Variants in SH3RF3 observed in about 807,000 individuals in gnomAD.
SH3RF3 encodes the protein E3 ubiquitin-protein ligase SH3RF3.
Under a neutral mutation model 66.3 loss-of-function variants are expected in SH3RF3, and 29 were observed. The ratio of observed to expected loss-of-function variants is 0.44; its 90% CI spans 0.33 to 0.60. SH3RF3 has a LOEUF of 0.60. Ranked by LOEUF, SH3RF3 falls within the 20% of genes least tolerant of loss-of-function variation. The probability of loss-of-function intolerance (pLI) is 0.04; values close to 1 mark genes in which losing one functional copy is unlikely to be tolerated. For synonymous variants in SH3RF3, 583 were observed against 532.0 expected (o/e 1.10, Z -1.32); for missense variants, 1,194 against 1,190.9 (o/e 1.00, Z -0.04).
At chr2:109,261,974 G>T (rs1680367274) in intron 1 of SH3RF3, among the ~76,000 whole-genome samples, 1 of 152,118 alleles carries the variant, frequency 6.6e-6, no homozygotes, top group Non-Finnish European at 1.5e-5. Context: ...TACATCAGAG[G>T]AAGGGCCACA....
chr2:109,192,916 A>G (rs555830702), intron 1 of SH3RF3, among the ~76,000 whole-genome samples: 2 of 152,328 alleles, frequency 1.3e-5, no homozygotes, highest in East Asian at 1.9e-4. Context: ...TATGCCAGTT[A>G]CTATCATCAT....
chr2:109,206,318 G>T (rs1303001726), intron 1 of SH3RF3, among the ~76,000 whole-genome samples: 1 of 151,892 alleles, frequency 6.6e-6, no homozygotes, highest in African/African-American at 2.4e-5. Flanking sequence ...GTGAAACCCT[G>T]TCTCTACTAA....
At chr2:109,171,393 A>G (rs1677780480) in intron 1 of SH3RF3, among the ~76,000 whole-genome samples, 1 of 152,220 alleles carries the variant, frequency 6.6e-6, no homozygotes, top group Non-Finnish European at 1.5e-5. Flanking sequence ...GTGACTATGA[A>G]TATTCGGAGA....
rs549843578 is a variant in SH3RF3 at position 109,463,805 on chromosome 2, C to G, written c.2148+14316C>G. Reference sequence around the variant, plus strand: ...GATGCCTCTGTGACATGGAGAGATGCAAGGGAATTGTCCCTCAGTGGAGGC... The same window carrying G: ...GATGCCTCTGTGACATGGAGAGATGGAAGGGAATTGTCCCTCAGTGGAGGC... On this transcript the variant is annotated intron_variant, in intron 8 of 9. Coordinates refer to ENST00000309415, the MANE Select transcript of SH3RF3 (RefSeq NM_001099289.3). Among the ~76,000 whole-genome samples the G allele has an allele frequency of 3.9e-5, 6 of 152,300 alleles. No homozygotes were observed. The South Asian group carries it at 1.2e-3, about 32-fold the overall frequency.
chr2:109,165,844 C>A (rs1234391973), intron 1 of SH3RF3, among the ~76,000 whole-genome samples: 1 of 152,200 alleles, frequency 6.6e-6, no homozygotes, highest in African/African-American at 2.4e-5. Context: ...GTGACTCACC[C>A]TAGACATTCA....
At chr2:109,347,651 C>T in intron 1 of SH3RF3, 23 bp from the exon 2 acceptor site, 2 of 1,609,972 alleles carry the variant, frequency 1.2e-6, no homozygotes, top group Non-Finnish European at 1.7e-6. Flanking sequence ...GCCCGGTGAC[C>T]ACATGCTGTC....
rs565426739 is a variant in SH3RF3, at chr2:109,386,012, C to A, written c.946-12578C>A. On this transcript the variant is annotated intron_variant, in intron 3 of 9. Coordinates refer to ENST00000309415, the MANE Select transcript of SH3RF3 (RefSeq NM_001099289.3). Reference sequence around the variant, plus strand: ...GTTTTAGTTGTAGCAATTCTTCATACCCTGTTCTTGGATCCAGCTGAGGGA... The same window carrying A: ...GTTTTAGTTGTAGCAATTCTTCATAACCTGTTCTTGGATCCAGCTGAGGGA... 1.6e-4 allele frequency among the ~76,000 whole-genome samples: 25 copies of A among 152,276 alleles called. No homozygotes were observed. In the South Asian group the frequency reaches 2.1e-3, roughly 13 times the overall value.
Position 109,493,694 on chromosome 2 carries a change from CACACACCATACAT to C in SH3RF3, c.2480+2769_2480+2781del, listed in dbSNP as rs1416444153. Among the ~76,000 whole-genome samples, 14 of 151,740 alleles carry C rather than the reference CACACACCATACAT, an allele frequency of 9.2e-5. No individual in the cohort carries two copies. In the South Asian group the frequency reaches 2.9e-3, roughly 32 times the overall value. ...AACACATCACACACCATACACACAC[CACACACCATACAT>C]ACACACCATAAACACACACCATATA... On this transcript the variant is annotated intron_variant, in intron 9 of 9. Coordinates refer to ENST00000309415, the MANE Select transcript of SH3RF3 (RefSeq NM_001099289.3).
At chr2:109,163,430 G>C (rs1428081949) in intron 1 of SH3RF3, among the ~76,000 whole-genome samples, 2 of 105,802 alleles carry the variant, frequency 1.9e-5, no homozygotes, top group Non-Finnish European at 1.7e-5. Context: ...ACGGAGTCTC[G>C]CTCTGTCGCC....
chr2:109,216,363 T>C (rs1302283808), intron 1 of SH3RF3, among the ~76,000 whole-genome samples: 1 of 152,200 alleles, frequency 6.6e-6, no homozygotes, highest in East Asian at 1.9e-4. Flanking sequence ...TCACAGCATA[T>C]CATTTATTTA....
chr2:109,148,332 C>T (rs372357898), intron 1 of SH3RF3, among the ~76,000 whole-genome samples: 6 of 152,362 alleles, frequency 3.9e-5, no homozygotes, highest in African/African-American at 9.6e-5. Flanking sequence ...CAGCCCAGGC[C>T]AGAGCGCCAT....
intron 8 of SH3RF3, among the ~76,000 whole-genome samples, chr2:109,473,284 C>T (rs191317213): frequency 4.4e-4 from 67 of 152,302 alleles, no homozygotes; most frequent in African/African-American, 1.5e-3. Context: ...GGGGTTGGGC[C>T]CTGCAGAGCC....
chr2:109,334,341 G>GT (rs11297256), intron 1 of SH3RF3, among the ~76,000 whole-genome samples: 45 of 128,294 alleles, frequency 3.5e-4, no homozygotes, highest in Admixed American at 5.6e-4. Flanking sequence ...TTGGGTGACA[G>GT]TTTTTTTTTT....
intron 1 of SH3RF3, among the ~76,000 whole-genome samples, chr2:109,338,671 C>G (rs1382730720): frequency 6.6e-6 from 1 of 152,188 alleles, no homozygotes; most frequent in African/African-American, 2.4e-5. Context: ...AGTTCTCCTG[C>G]CTCAGCCTCA....
chr2:109,272,840 T>G (rs1680660310), intron 1 of SH3RF3, among the ~76,000 whole-genome samples: 1 of 152,182 alleles, frequency 6.6e-6, no homozygotes, highest in Non-Finnish European at 1.5e-5. Context: ...GTGTGTGGGT[T>G]CCCGGACTGG....
chr2:109,292,484 G>A (rs373965821), intron 1 of SH3RF3, among the ~76,000 whole-genome samples: 15 of 152,130 alleles, frequency 9.9e-5, no homozygotes, highest in South Asian at 8.3e-4. Flanking sequence ...AAATCATTGC[G>A]CATATTTCCC....
intron 1 of SH3RF3, among the ~76,000 whole-genome samples, chr2:109,186,421 G>T (rs1678188283): frequency 1.3e-5 from 2 of 152,252 alleles, no homozygotes; most frequent in African/African-American, 4.8e-5. Flanking sequence ...AACCTGGGGA[G>T]TGAGGCTTTA....
In SH3RF3 at chr2:109,142,043, T is replaced by TGG. The variant is rs5833316; in HGVS notation, c.573+11939_573+11940dup. Reference sequence around the variant, plus strand: ...CCTCTTCTGGGGTCCTTGAGTCTCCTGGGGGGGGGGTCTCAGGTATGTGCC... The same window carrying TGG: ...CCTCTTCTGGGGTCCTTGAGTCTCCTGGGGGGGGGGGGTCTCAGGTATGTGCC... On this transcript the variant is annotated intron_variant, in intron 1 of 9. Coordinates refer to ENST00000309415, the MANE Select transcript of SH3RF3 (RefSeq NM_001099289.3). Among the ~76,000 whole-genome samples, 1,406 of 145,844 alleles carry TGG rather than the reference T, an allele frequency of 9.6e-3. 13 individuals carry two copies. The highest frequency in any genetic ancestry group is 0.01 in the Non-Finnish European group (685 of 65,730).
At position 109,284,809 on chromosome 2, in the gene SH3RF3, G is replaced by A. The variant is rs529725543; in HGVS notation, c.574-62865G>A. Among the ~76,000 whole-genome samples the A allele has an allele frequency of 4.6e-5, 7 of 151,784 alleles. No homozygotes were observed. In the South Asian group the frequency reaches 8.3e-4, roughly 18 times the overall value. The stretch of plus-strand genomic sequence containing the variant: ...CTTAAGGATGTGTGGCCTCGTGTCA[G>A]ATGACATGTGTGTGGGGTGTGTGTG... On this transcript the variant is annotated intron_variant, in intron 1 of 9. Coordinates refer to ENST00000309415, the MANE Select transcript of SH3RF3 (RefSeq NM_001099289.3).
Sources: allele counts gnomAD v4.1 joint callset (sites outside exome capture counted in the v4.1 genomes callset), GRCh38; gene constraint gnomAD v4.1.1; transcripts MANE v1.5; gene names NCBI Gene and HGNC (gene_info 2026-07-23, HGNC 2026-07-21).